GRIK2: variants seen among roughly 807,000 people sequenced by gnomAD.
GRIK2 encodes the protein glutamate receptor ionotropic, kainate 2.
GRIK2 carries 32 observed loss-of-function variants against 100.3 expected under a neutral mutation model. The observed-to-expected ratio is 0.32, with a 90% CI of 0.24 to 0.43. The LOEUF is 0.43. GRIK2 is among the 20% of genes least tolerant of loss of function. The probability of loss-of-function intolerance (pLI) is 1.00; values close to 1 mark genes in which losing one functional copy is unlikely to be tolerated. For missense variants in GRIK2, 843 were observed against 1,114.9 expected, an observed-to-expected ratio of 0.76 and a Z score of 3.47; for synonymous variants, 417 against 389.4, an observed-to-expected ratio of 1.07 and a Z score of -0.83.
intron 14 of GRIK2, among the ~76,000 whole-genome samples, chr6:101,981,820 A>C (rs1310787225): frequency 1.3e-5 from 2 of 151,892 alleles, no homozygotes; most frequent in Non-Finnish European, 2.9e-5. Flanking sequence ...AGGTAAAAAA[A>C]AAGTATATTT....
At chr6:101,992,111 G>T (rs907169213) in intron 14 of GRIK2, among the ~76,000 whole-genome samples, 1 of 151,588 alleles carries the variant, frequency 6.6e-6, no homozygotes, top group East Asian at 1.9e-4. Context: ...AGGCATCCTT[G>T]TATTTAATAT....
chr6:101,664,994 G>T (rs1769910694), intron 4 of GRIK2, among the ~76,000 whole-genome samples: 1 of 152,314 alleles, frequency 6.6e-6, no homozygotes, highest in South Asian at 2.1e-4. Flanking sequence ...CGCATGGCAT[G>T]TGGAGATCAG....
At chr6:101,685,568 T>C (rs1273331509) in intron 6 of GRIK2, among the ~76,000 whole-genome samples, 1 of 152,110 alleles carries the variant, frequency 6.6e-6, no homozygotes. Context: ...ATATACAGAC[T>C]AGAAAGGGCA....
At chr6:101,814,907 G>A (rs967290615) in intron 9 of GRIK2, among the ~76,000 whole-genome samples, 16 of 152,102 alleles carry the variant, frequency 1.1e-4, no homozygotes, top group Non-Finnish European at 1.6e-4. Context: ...CATAATTATA[G>A]CATACTTATA....
At chr6:102,009,425 T>C (rs919610606) in intron 14 of GRIK2, among the ~76,000 whole-genome samples, 2 of 152,012 alleles carry the variant, frequency 1.3e-5, no homozygotes, top group Non-Finnish European at 2.9e-5. Context: ...TCCTGGATTA[T>C]TAAAATGCAG....
At chr6:101,690,292 A>G (rs1000866029) in intron 7 of GRIK2, among the ~76,000 whole-genome samples, 1 of 152,140 alleles carries the variant, frequency 6.6e-6, no homozygotes, top group Non-Finnish European at 1.5e-5. Flanking sequence ...ACACAAATCA[A>G]TAATAATCAT....
intron 7 of GRIK2, among the ~76,000 whole-genome samples, chr6:101,714,555 T>C (rs1193995294): frequency 6.6e-6 from 1 of 151,794 alleles, no homozygotes; most frequent in Non-Finnish European, 1.5e-5. Flanking sequence ...AATTATCCAC[T>C]GGATTTTTCT....
At chr6:101,480,037 A>G (rs980613270) in intron 2 of GRIK2, among the ~76,000 whole-genome samples, 3 of 152,128 alleles carry the variant, frequency 2.0e-5, no homozygotes, top group Non-Finnish European at 2.9e-5. Flanking sequence ...CCCCTAACAT[A>G]CTGCATGGTA....
intron 14 of GRIK2, among the ~76,000 whole-genome samples, chr6:101,968,408 G>C (rs1792832222): frequency 6.6e-6 from 1 of 151,892 alleles, no homozygotes; most frequent in Non-Finnish European, 1.5e-5. Context: ...CTATTAACAA[G>C]AATAATTTGC....
At chr6:101,798,329 T>G (rs1336951387) in intron 7 of GRIK2, among the ~76,000 whole-genome samples, 2 of 152,074 alleles carry the variant, frequency 1.3e-5, no homozygotes, top group Non-Finnish European at 2.9e-5. Flanking sequence ...GAGACAAATA[T>G]CAGTCAAATC....
At chr6:101,544,727 C>T (rs1776155799) in intron 2 of GRIK2, among the ~76,000 whole-genome samples, 1 of 152,098 alleles carries the variant, frequency 6.6e-6, no homozygotes, top group Non-Finnish European at 1.5e-5. Flanking sequence ...TTCACAATAG[C>T]CCTTTGATAT....
intron 7 of GRIK2, among the ~76,000 whole-genome samples, chr6:101,738,236 TGTCAATTGTAATTGACAATTGTCAA>T (rs1256842009): frequency 2.6e-5 from 4 of 151,586 alleles, no homozygotes; most frequent in Non-Finnish European, 5.9e-5. Context: ...AATTGTCAAA[TGTCAATTGTAATTGACAATTGTCAA>T]ATGTCAATTG....
chr6:101,790,908 A>T (rs1249030165), intron 7 of GRIK2, among the ~76,000 whole-genome samples: 3,819 of 151,904 alleles, frequency 0.025, 163 homozygotes, highest in African/African-American at 0.087. Context: ...CTATTCAGAG[A>T]TTCAACTTCT....
At chr6:101,493,839 C>A (rs149166858) in intron 2 of GRIK2, among the ~76,000 whole-genome samples, 356 of 150,240 alleles carry the variant, frequency 2.4e-3, no homozygotes, top group Middle Eastern at 7.0e-3. Context: ...GGTCATCAAG[C>A]AACAACATTA....
At chr6:102,034,781 A>G (rs898679871) in intron 14 of GRIK2, among the ~76,000 whole-genome samples, 3 of 151,372 alleles carry the variant, frequency 2.0e-5, no homozygotes, top group African/African-American at 7.3e-5. Context: ...AGACATCTTT[A>G]TTTGTAACAT....
chr6:101,754,874 G>A (rs1777028342), intron 7 of GRIK2, among the ~76,000 whole-genome samples: 1 of 152,198 alleles, frequency 6.6e-6, no homozygotes. Context: ...ATGGGAATCA[G>A]AGGAGTAAGG....
intron 12 of GRIK2, among the ~76,000 whole-genome samples, chr6:101,902,413 T>TA (rs1329979814): frequency 3.3e-5 from 5 of 151,946 alleles, no homozygotes; most frequent in African/African-American, 1.2e-4. Context: ...AAAGCAAAAG[T>TA]AAAAAGTTAA....
chr6:102,066,709 G>C (rs1267234499), intron 16 of GRIK2, among the ~76,000 whole-genome samples: 1 of 151,394 alleles, frequency 6.6e-6, no homozygotes, highest in Non-Finnish European at 1.5e-5. Context: ...AGGGAGAAGA[G>C]GGCTAGATCA....
rs1479681117 is a variant in GRIK2, at chr6:101,909,373, T to TTTTTTTG, written c.1749-15226_1749-15225insTTTTGTT. 2.6e-5 allele frequency among the ~76,000 whole-genome samples: 3 copies of TTTTTTTG among 113,554 alleles called. 1 individual carries two copies. The highest frequency in any genetic ancestry group is 5.6e-5 in the Non-Finnish European group (3 of 53,520). The allele number at this position is 113,554 out of a possible 152,430, so 74.5% of individuals were successfully genotyped here. A position where few individuals can be genotyped will look rare whatever the true frequency, so the allele number is the denominator to read the frequency against. On this transcript the variant is annotated intron_variant, in intron 12 of 16. Coordinates refer to ENST00000369134, the MANE Select transcript of GRIK2 (RefSeq NM_021956.5). The stretch of plus-strand genomic sequence containing the variant: ...TTTGGATGCTGAAGGAAGATAGGGT[T>TTTTTTTG]TTCTTTTTCTTTTTTTTTTTTTTAA...
Sources: gnomAD v4.1 joint callset for allele counts (sites outside exome capture counted in the v4.1 genomes callset) on GRCh38, gnomAD v4.1.1 for gene constraint, MANE v1.5 for transcripts, NCBI Gene and HGNC (gene_info 2026-07-23, HGNC 2026-07-21) for gene names.